HACD2: variants seen among roughly 807,000 people sequenced by gnomAD.
HACD2 encodes the protein 3-hydroxyacyl-CoA dehydratase 2, also known as very-long-chain (3R)-3-hydroxyacyl-CoA dehydratase 2.
Under a neutral mutation model 31.0 loss-of-function variants are expected in HACD2, and 15 were observed. The ratio of observed to expected loss-of-function variants is 0.48; its 90% CI spans 0.32 to 0.75. The LOEUF is 0.75. Ranked by LOEUF, HACD2 falls within the 30% of genes least tolerant of loss-of-function variation. The probability of loss-of-function intolerance (pLI) is 0.03; values close to 1 mark genes in which losing one functional copy is unlikely to be tolerated. For missense variants in HACD2, 283 were observed against 313.0 expected (o/e 0.90, Z 0.72); for synonymous variants, 115 against 122.2 (o/e 0.94, Z 0.39).
chr3:123,511,006 C>G (rs545503311), intron 4 of HACD2, among the ~76,000 whole-genome samples: 3 of 149,450 alleles, frequency 2.0e-5, no homozygotes, highest in Non-Finnish European at 4.4e-5. Context: ...TGGTATCTCA[C>G]AGTAGTTTTG....
chr3:123,528,342 T>C (rs760888557), intron 4 of HACD2, 44 bp downstream of exon 4: 2 of 1,154,072 alleles, frequency 1.7e-6, no homozygotes, highest in East Asian at 2.3e-5. Context: ...AGTTGACTAG[T>C]GTTTGTTAGT....
chr3:123,540,199 T>C (rs1239437142), intron 3 of HACD2, among the ~76,000 whole-genome samples: 1 of 152,166 alleles, frequency 6.6e-6, no homozygotes, highest in Non-Finnish European at 1.5e-5. Context: ...CTGGATGTAC[T>C]TTATTCATTT....
rs374023272 is a variant in HACD2, at chr3:123,584,965, C to T, written c.63G>A (p.Gly21=). The stretch of plus-strand genomic sequence containing the variant: ...TCCGCGTGCCGCTGGCGTCCCCGGC[C>T]CCGGCCCTGCCACCGCCGCCCCCAT... ...KGNGGGGGRA[G]AGDASGTRKK... Residue 21 remains glycine (G), a synonymous_variant, in exon 1 of 7, where the codon GGG becomes GGA. Transcript: ENST00000383657. 887 of 1,528,160 alleles carry T rather than the reference C, an allele frequency of 5.8e-4. 9 individuals carry two copies. In the African/African-American group the frequency reaches 0.011, roughly 18 times the overall value. The allele number at this position is 1,528,160 out of a possible 1,614,324, so 94.7% of individuals were successfully genotyped here. A position where few individuals can be genotyped will look rare whatever the true frequency, so the allele number is the denominator to read the frequency against.
intron 4 of HACD2, among the ~76,000 whole-genome samples, chr3:123,515,930 G>A (rs796400377): frequency 2.0e-5 from 3 of 151,984 alleles, no homozygotes; most frequent in African/African-American, 4.8e-5. Flanking sequence ...CTAAATTTTT[G>A]TATTTTTTTG....
chr3:123,518,962 A>G (rs2056179154), intron 4 of HACD2, among the ~76,000 whole-genome samples: 1 of 141,976 alleles, frequency 7.0e-6, no homozygotes, highest in Non-Finnish European at 1.5e-5. Context: ...GCGTCACTGC[A>G]CTCCAGCCTG....
intron 4 of HACD2, among the ~76,000 whole-genome samples, chr3:123,503,262 C>CAA (rs113416649): frequency 5.4e-4 from 48 of 88,996 alleles, no homozygotes; most frequent in Admixed American, 1.8e-3. Context: ...GAGACTGTCT[C>CAA]AAAAAAAAAA....
intron 3 of HACD2, among the ~76,000 whole-genome samples, chr3:123,535,408 C>G (rs905715959): frequency 2.0e-5 from 3 of 152,100 alleles, no homozygotes; most frequent in African/African-American, 7.2e-5. Context: ...TATACTGAAT[C>G]TAAAGTAATA....
At chr3:123,581,482 C>T (rs1327409791) in intron 2 of HACD2, among the ~76,000 whole-genome samples, 1 of 152,134 alleles carries the variant, frequency 6.6e-6, no homozygotes, top group African/African-American at 2.4e-5. Context: ...AAAATAAACA[C>T]CCTCCCTGTT....
intron 3 of HACD2, among the ~76,000 whole-genome samples, chr3:123,560,311 G>A (rs1049074449): frequency 6.6e-6 from 1 of 152,170 alleles, no homozygotes; most frequent in Admixed American, 6.5e-5. Context: ...ACCACTTATG[G>A]TCTTGACCGT....
chr3:123,527,985 G>A (rs1478898195), intron 4 of HACD2, among the ~76,000 whole-genome samples: 1 of 152,218 alleles, frequency 6.6e-6, no homozygotes, highest in Admixed American at 6.5e-5. Context: ...TGGGTCAGGT[G>A]TGGTGGCTCA....
intron 3 of HACD2, among the ~76,000 whole-genome samples, chr3:123,555,688 T>C (rs1342854876): frequency 6.6e-6 from 1 of 152,108 alleles, no homozygotes; most frequent in Non-Finnish European, 1.5e-5. Context: ...ACAATCCCAC[T>C]CAAAATCCCA....
At chr3:123,516,167 G>A (rs2056133187) in intron 4 of HACD2, among the ~76,000 whole-genome samples, 1 of 151,394 alleles carries the variant, frequency 6.6e-6, no homozygotes, top group South Asian at 2.1e-4. Flanking sequence ...CCTATTTTAT[G>A]AAAAATGTGA....
intron 4 of HACD2, among the ~76,000 whole-genome samples, chr3:123,523,545 A>T (rs2056244318): frequency 6.6e-6 from 1 of 152,198 alleles, no homozygotes; most frequent in Non-Finnish European, 1.5e-5. Context: ...ATCCTGTCAC[A>T]AGGTAAATGT....
intron 2 of HACD2, among the ~76,000 whole-genome samples, chr3:123,570,210 T>C (rs369734222): frequency 6.6e-6 from 1 of 151,980 alleles, no homozygotes; most frequent in Non-Finnish European, 1.5e-5. Context: ...AATTCATAGA[T>C]AAAATGACCT....
intron 3 of HACD2, among the ~76,000 whole-genome samples, chr3:123,538,565 AG>A (rs1195764499): frequency 6.6e-6 from 1 of 152,194 alleles, no homozygotes; most frequent in African/African-American, 2.4e-5. Flanking sequence ...CTAAGTACAG[AG>A]GTGCTTCTCT....
chr3:123,502,936 C>T lies in HACD2; in HGVS notation c.382-255G>A, dbSNP rs143575315. Reference sequence around the variant, plus strand: ...AGCAGCAGGGTGGGGGTAACAAACACGAGGGGTGGGGATTTACAGGTTTGC... The same window carrying T: ...AGCAGCAGGGTGGGGGTAACAAACATGAGGGGTGGGGATTTACAGGTTTGC... On this transcript the variant is annotated intron_variant, in intron 4 of 6. Coordinates refer to ENST00000383657, the MANE Select transcript of HACD2 (RefSeq NM_198402.5). The T allele has an allele frequency of 5.1e-3, 1,911 of 377,808 alleles. 23 individuals carry two copies. The highest frequency in any genetic ancestry group is 0.027 in the African/African-American group (1,325 of 49,656). 23.4% of individuals were successfully genotyped at this position (377,808 alleles called of 1,614,324 possible).
intron 4 of HACD2, among the ~76,000 whole-genome samples, chr3:123,512,590 G>A: frequency 6.6e-6 from 1 of 152,202 alleles, no homozygotes; most frequent in East Asian, 1.9e-4. Flanking sequence ...AGGTGGAAGA[G>A]ATGGCCAGTG....
intron 3 of HACD2, among the ~76,000 whole-genome samples, chr3:123,549,751 AAAC>A (rs368931168): frequency 0.012 from 1,864 of 152,206 alleles, 37 homozygotes; most frequent in African/African-American, 0.042. Flanking sequence ...CTGTCTCCAA[AAAC>A]AACAACAACA....
At chr3:123,535,742 G>C (rs1056966955) in intron 3 of HACD2, among the ~76,000 whole-genome samples, 4 of 152,202 alleles carry the variant, frequency 2.6e-5, no homozygotes, top group African/African-American at 9.7e-5. Flanking sequence ...CACTGAGTCG[G>C]AGACTGATAT....
Sources: allele counts gnomAD v4.1 joint callset (sites outside exome capture counted in the v4.1 genomes callset), GRCh38; gene constraint gnomAD v4.1.1; transcripts MANE v1.5; gene names NCBI Gene and HGNC (gene_info 2026-07-23, HGNC 2026-07-21).